Variants in PDK2 observed in about 807,000 individuals in gnomAD.
PDK2 encodes the protein pyruvate dehydrogenase kinase 2.
Under a neutral mutation model 50.4 loss-of-function variants are expected in PDK2, and 34 were observed. That is an observed-to-expected ratio of 0.68 (90% CI 0.51 to 0.90). PDK2 has a LOEUF of 0.90. Among genes scored for constraint, PDK2 ranks in the 40% least tolerant of loss-of-function variants. The pLI is 0.00. For missense variants in PDK2, 377 were observed against 544.5 expected (o/e 0.69, Z 3.06); for synonymous variants, 232 against 216.0 (o/e 1.07, Z -0.65).
Position 50,105,953 on chromosome 17 carries a change from T to G in PDK2, c.401T>G (p.Val134Gly), listed in dbSNP as rs764424989. Reference protein sequence around the residue: ...NDVVPTMAQGVLEYKDTYGDD... With the variant: ...NDVVPTMAQGGLEYKDTYGDD... Reference sequence around the variant, plus strand: ...GTGGTGCCCACCATGGCACAAGGCGTGCTTGAGTACAAGGACACCTACGGC... The same window carrying G: ...GTGGTGCCCACCATGGCACAAGGCGGGCTTGAGTACAAGGACACCTACGGC... The change falls in exon 4 of 11, where the codon GTG becomes GGG. Residue 134 changes from valine to glycine, a missense_variant. Val to Gly is a moderately radical substitution (Grantham distance 109). Around this residue, in one of 3 missense-constraint regions of PDK2, gnomAD observed 63 missense variants for 135.1 expected, o/e 0.47. Transcript: ENST00000503176. The G allele has an allele frequency of 1.2e-6, 2 of 1,613,384 alleles. No individual in the cohort carries two copies. The highest frequency in any genetic ancestry group is 1.7e-6 in the Non-Finnish European group (2 of 1,179,726).
intron 2 of PDK2, chr17:50,098,439 G>A (rs1384901215): frequency 6.6e-6 from 1 of 152,222 alleles, no homozygotes; most frequent in East Asian, 1.9e-4. Context: ...CAGGCAGGGT[G>A]AACTGAGTCC....
intron 2 of PDK2, chr17:50,105,143 T>C (rs943823135): frequency 4.3e-6 from 2 of 468,948 alleles, no homozygotes; most frequent in Admixed American, 3.9e-5. Context: ...GCAAAGGTGC[T>C]AAACGGGGGA....
At position 50,110,084 on chromosome 17, in the gene PDK2, A is replaced by G. The variant is rs1380472001; in HGVS notation, c.1211A>G (p.Tyr404Cys). The G allele has an allele frequency of 3.1e-6, 5 of 1,607,272 alleles. No individual in the cohort carries two copies. Among genetic ancestry groups the G allele is most frequent in the Non-Finnish European group, 4.3e-6 (5 of 1,176,236 alleles). The change falls in exon 11 of 11, where the codon TAC becomes TGC. Residue 404 changes from tyrosine to cysteine, a missense_variant. By Grantham distance (194) the Tyr-to-Cys change is radical. Coordinates refer to ENST00000503176, the MANE Select transcript of PDK2 (RefSeq NM_002611.5). ...PSTEPKNTST[Y>C]RVS ...ACGGAGCCCAAGAACACGTCCACGT[A>G]CCGCGTCAGCTAAGGGCCGCCGTGC...
At position 50,109,471 on chromosome 17, in the gene PDK2, C is replaced by A; in HGVS notation, c.1083+71C>A. On this transcript the variant is annotated intron_variant, in intron 10 of 10. Coordinates refer to ENST00000503176, the MANE Select transcript of PDK2 (RefSeq NM_002611.5). The surrounding 1 kb of genome is among the most constrained non-coding windows in gnomAD (Gnocchi z 5.0). ...ATAGGACCTGGGCAGCCTTGGCCAG[C>A]TGCGAGCTTTCCTTTCCATCCCCCC... is the stretch of plus-strand genomic sequence containing the variant. 1.1e-6 allele frequency: 1 copy of A among 937,298 alleles called. No homozygotes were observed. Among genetic ancestry groups the A allele is most frequent in the Non-Finnish European group, 1.6e-6 (1 of 623,058 alleles). The allele number at this position is 937,298 out of a possible 1,614,324, so 58.1% of individuals were successfully genotyped here.
intron 5 of PDK2, 29 bp downstream of exon 5, chr17:50,106,912 C>T (rs1473544759): frequency 1.3e-6 from 2 of 1,597,872 alleles, no homozygotes; most frequent in Non-Finnish European, 1.7e-6. Context: ...GCCTGGCCCG[C>T]AGAGAAGCCC....
chr17:50,106,370 A>G (rs931910084), intron 4 of PDK2: 1 of 633,452 alleles, frequency 1.6e-6, no homozygotes, highest in African/African-American at 1.8e-5. Context: ...GTTCAAAAAC[A>G]ATTTGTTGTT....
chr17:50,095,423 G>T lies in PDK2; in HGVS notation c.-13G>T. 1 of 1,587,326 alleles carries T rather than the reference G, an allele frequency of 6.3e-7. No homozygotes were observed. The highest frequency in any genetic ancestry group is 1.8e-5 in the Admixed American group (1 of 56,682). On this transcript the variant is annotated 5_prime_UTR_variant, in exon 1 of 11. Coordinates refer to ENST00000503176, the MANE Select transcript of PDK2 (RefSeq NM_002611.5). ...GCGCGGGGACCACAACCAAAGTCGC[G>T]GCCGCCGCAGCCATGCGCTGGGTGT...
chr17:50,104,563 T>C lies in PDK2; in HGVS notation c.261-808T>C, dbSNP rs575919344. On this transcript the variant is annotated intron_variant, in intron 2 of 10. Transcript: ENST00000503176. Reference sequence around the variant, plus strand: ...ACCACACCTGGCTAAGTTCAGGGATTCTTGATGCTCCTTTTAGAGCATCAA... The same window carrying C: ...ACCACACCTGGCTAAGTTCAGGGATCCTTGATGCTCCTTTTAGAGCATCAA... 1.6e-3 allele frequency among the ~76,000 whole-genome samples: 251 copies of C among 152,318 alleles called. 2 individuals carry two copies. Among genetic ancestry groups the C allele is most frequent in the African/African-American group, 5.7e-3 (238 of 41,564 alleles).
At position 50,110,305 on chromosome 17, in the gene PDK2, A is replaced by G. The variant is rs705966; in HGVS notation, c.*208A>G. The G allele has an allele frequency of 0.14, 63,426 of 449,498 alleles. 6,271 individuals carry two copies. The highest frequency in any genetic ancestry group is 0.36 in the East Asian group (10,221 of 28,342). 27.8% of individuals were successfully genotyped at this position (449,498 alleles called of 1,614,324 possible). On this transcript the variant is annotated 3_prime_UTR_variant, in exon 11 of 11. Transcript: ENST00000503176. The stretch of plus-strand genomic sequence containing the variant: ...GTGGAGACCCCTCGGTGGCCTCCCT[A>G]TCTCTGTGGGCGATGCCTGAGGGTT...
rs754854610 is a variant in PDK2, at chr17:50,095,456, G to C, written c.21G>C (p.Leu7=). The change falls in exon 1 of 11, where the codon CTG becomes CTC. Residue 7 remains leucine (L), a synonymous_variant. Coordinates refer to ENST00000503176, the MANE Select transcript of PDK2 (RefSeq NM_002611.5). MRWVWA[L]LKNASLAGAP... is the part of the protein sequence containing the mutation. The stretch of plus-strand genomic sequence containing the variant: ...CAGCCATGCGCTGGGTGTGGGCGCT[G>C]CTGAAGAATGCGTCCCTGGCAGGGG... 6.9e-6 allele frequency: 11 copies of C among 1,603,428 alleles called. No individual in the cohort carries two copies. Among genetic ancestry groups the C allele is most frequent in the Non-Finnish European group, 8.5e-6 (10 of 1,175,588 alleles).
Position 50,109,275 on chromosome 17 carries a change from G to T in PDK2, c.970-12G>T, listed in dbSNP as rs375402964. On this transcript the variant is annotated splice_polypyrimidine_tract_variant and intron_variant, in intron 9 of 10. Coordinates refer to ENST00000503176, the MANE Select transcript of PDK2 (RefSeq NM_002611.5). The surrounding 1 kb of genome is among the most constrained non-coding windows in gnomAD (Gnocchi z 5.0). ...GCCTCCTCATCCTCACTGCCTTCCT[G>T]CCCCGCTGCAGGCTGGCTTTGGTTA... The T allele has an allele frequency of 8.2e-6, 13 of 1,592,418 alleles. No homozygotes were observed. Among genetic ancestry groups the T allele is most frequent in the Non-Finnish European group, 9.5e-6 (11 of 1,162,458 alleles).
chr17:50,103,530 C>T (rs901125115), intron 2 of PDK2, among the ~76,000 whole-genome samples: 1 of 152,222 alleles, frequency 6.6e-6, no homozygotes, highest in African/African-American at 2.4e-5. Context: ...GGAATTCTCA[C>T]CACAAAGCAG....
chr17:50,099,725 G>A (rs376783845), intron 2 of PDK2, among the ~76,000 whole-genome samples: 13 of 152,344 alleles, frequency 8.5e-5, no homozygotes, highest in East Asian at 7.7e-4. Flanking sequence ...CCCGGGAGGC[G>A]GAGCTTGCAG....
At chr17:50,103,742 C>A (rs996173415) in intron 2 of PDK2, among the ~76,000 whole-genome samples, 4 of 152,144 alleles carry the variant, frequency 2.6e-5, no homozygotes, top group Non-Finnish European at 5.9e-5. Flanking sequence ...GCATTCCTAG[C>A]AGAGGGCACT....
Position 50,109,812 on chromosome 17 carries a change from G to T in PDK2, c.1084-145G>T. On this transcript the variant is annotated intron_variant, in intron 10 of 10. Coordinates refer to ENST00000503176, the MANE Select transcript of PDK2 (RefSeq NM_002611.5). The surrounding 1 kb of genome is among the most constrained non-coding windows in gnomAD (Gnocchi z 5.0). ...GCTGCTTGCTTGAATGGGCAGGAGC[G>T]GGACACAGGAGGGACCACCCTTTTG... 2.3e-6 allele frequency: 2 copies of T among 857,480 alleles called. No individual in the cohort carries two copies. Among genetic ancestry groups the T allele is most frequent in the Non-Finnish European group, 3.5e-6 (2 of 579,138 alleles). 53.1% of individuals were successfully genotyped at this position (857,480 alleles called of 1,614,324 possible).
intron 2 of PDK2, chr17:50,104,267 G>A (rs1304129800): frequency 6.6e-6 from 1 of 152,086 alleles, no homozygotes; most frequent in Admixed American, 6.6e-5. Flanking sequence ...TTATTTTTTG[G>A]GGGGACAGAG....
chr17:50,107,064 A>G lies in PDK2; in HGVS notation c.608-12A>G, dbSNP rs751427503. 6.2e-7 allele frequency: 1 copy of G among 1,613,610 alleles called. No individual in the cohort carries two copies. Among genetic ancestry groups the G allele is most frequent in the East Asian group, 2.2e-5 (1 of 44,882 alleles). ...GGCCACCCATGCCCTGAATGACCCCATCTTCTCTCAGATGCCTACGACATG... is the reference window on the plus strand; with the variant it reads ...GGCCACCCATGCCCTGAATGACCCCGTCTTCTCTCAGATGCCTACGACATG... On this transcript the variant is annotated splice_polypyrimidine_tract_variant and intron_variant, in intron 5 of 10. Transcript: ENST00000503176.
In PDK2 at chr17:50,095,395, C is replaced by A; in HGVS notation, c.-41C>A. 1 of 1,454,786 alleles carries A rather than the reference C, an allele frequency of 6.9e-7. No homozygotes were observed. Among genetic ancestry groups the A allele is most frequent in the Non-Finnish European group, 9.5e-7 (1 of 1,050,186 alleles). 90.1% of individuals were successfully genotyped at this position (1,454,786 alleles called of 1,614,324 possible). ...TGGGCCGAAAGGTGCGCGAGCGCTG[C>A]CCGCGCGGGGACCACAACCAAAGTC... On this transcript the variant is annotated 5_prime_UTR_variant, in exon 1 of 11. Coordinates refer to ENST00000503176, the MANE Select transcript of PDK2 (RefSeq NM_002611.5).
rs1296043650 is a variant in PDK2, at chr17:50,110,409, C to A, written c.*312C>A. 1.3e-5 allele frequency: 3 copies of A among 231,990 alleles called. No individual in the cohort carries two copies. The highest frequency in any genetic ancestry group is 2.5e-5 in the Non-Finnish European group (3 of 118,960). 14.4% of individuals were successfully genotyped at this position (231,990 alleles called of 1,614,324 possible). A position where few individuals can be genotyped will look rare whatever the true frequency, so the allele number is the denominator to read the frequency against. On this transcript the variant is annotated 3_prime_UTR_variant, in exon 11 of 11. Transcript: ENST00000503176. ...CTCCTCTCTGAGACCAGGGCTGTCA[C>A]TTTTCTGCCAGGGGTACTGGGTCCC...
Sources: gnomAD v4.1 joint callset for allele counts (sites outside exome capture counted in the v4.1 genomes callset) on GRCh38, gnomAD v4.1.1 for gene constraint, gnomAD v4.1.1 regional missense constraint, Gnocchi (gnomAD v3.1) non-coding constraint, MANE v1.5 for transcripts, NCBI Gene and HGNC (gene_info 2026-07-23, HGNC 2026-07-21) for gene names.